The following CLOCK variants were observed in gnomAD, a reference collection of about 807,000 sequenced individuals.
The protein encoded by CLOCK is circadian locomoter output cycles protein kaput.
Under a neutral mutation model 118.4 loss-of-function variants are expected in CLOCK, and 43 were observed. The ratio of observed to expected loss-of-function variants is 0.36; its 90% CI spans 0.28 to 0.47. The LOEUF (loss-of-function observed/expected upper bound fraction) is 0.47, where lower values mean the gene tolerates loss of function less well. Ranked by LOEUF, CLOCK falls within the 20% of genes least tolerant of loss-of-function variation. CLOCK has a pLI of 1.00. For synonymous variants in CLOCK, 326 were observed against 339.2 expected (o/e 0.96, Z 0.43); for missense variants, 846 against 999.9 (o/e 0.85, Z 2.08).
intron 1 of CLOCK, among the ~76,000 whole-genome samples, chr4:55,512,499 C>G (rs1349468531): frequency 6.6e-6 from 1 of 152,090 alleles, no homozygotes; most frequent in Non-Finnish European, 1.5e-5. Context: ...TCAAATATGT[C>G]TTTTGCAAAT....
intron 1 of CLOCK, among the ~76,000 whole-genome samples, chr4:55,514,873 A>T (rs1387625972): frequency 6.6e-6 from 1 of 152,128 alleles, no homozygotes; most frequent in Non-Finnish European, 1.5e-5. Flanking sequence ...TGGTTTTAGG[A>T]TTAGAGTAAT....
At position 55,536,897 on chromosome 4, in the gene CLOCK, CCTAA is replaced by C. The variant is rs369672013; in HGVS notation, c.-290+9881_-290+9884del. Among the ~76,000 whole-genome samples the C allele has an allele frequency of 1.7e-3, 256 of 152,196 alleles. 1 individual carries two copies. The highest frequency in any genetic ancestry group is 5.7e-3 in the African/African-American group (237 of 41,524). ...TAAACAAAACAATCAACAGACTTGA[CCTAA>C]CTGACATTTGTAAAACACTCCACCT... On this transcript the variant is annotated intron_variant, in intron 1 of 22. Transcript: ENST00000513440.
intron 1 of CLOCK, among the ~76,000 whole-genome samples, chr4:55,532,520 T>C (rs1039155953): frequency 1.3e-5 from 2 of 151,330 alleles, no homozygotes; most frequent in Admixed American, 1.3e-4. Flanking sequence ...ACACCAAAAA[T>C]GACCAACTGG....
In CLOCK at chr4:55,453,734, G is replaced by T; in HGVS notation, c.1073C>A (p.Thr358Asn). ...WIWLQTHYYI[T>N]YHQWNSRPEF... ...TGGCCTTGAATTCCACTGATGGTAA[G>T]TGATATAATAATGAGTCTGAAGCCA... Residue 358 changes from threonine (T) to asparagine (N), a missense_variant, in exon 14 of 23, where the codon ACT becomes AAT. By Grantham distance (65) the Thr-to-Asn change is moderately conservative (BLOSUM62 0). This residue lies in a region of CLOCK where 66 missense variants were observed against 99.4 expected (regional missense o/e 0.66). Coordinates refer to ENST00000513440, the MANE Select transcript of CLOCK (RefSeq NM_004898.4). 6.2e-7 allele frequency: 1 copy of T among 1,610,866 alleles called. No individual in the cohort carries two copies. Among genetic ancestry groups the T allele is most frequent in the Non-Finnish European group, 8.5e-7 (1 of 1,177,798 alleles).
intron 11 of CLOCK, among the ~76,000 whole-genome samples, chr4:55,458,308 C>A (rs1450774771): frequency 6.6e-6 from 1 of 152,080 alleles, no homozygotes. Flanking sequence ...GCAATCCTCT[C>A]GCCTTGCTCT....
rs1039562811 is a variant in CLOCK, at chr4:55,450,364, A to C, written c.1207-132T>G. 46 of 953,476 alleles carry C rather than the reference A, an allele frequency of 4.8e-5. No individual in the cohort carries two copies. In the Middle Eastern group the frequency reaches 1.3e-3, roughly 26 times the overall value. The allele number at this position is 953,476 out of a possible 1,614,324, so 59.1% of individuals were successfully genotyped here. ...GGCAAAAGTACCTGTATGTACATAC[A>C]CATGTAAAGAAATGAAAATTTATGT... On this transcript the variant is annotated intron_variant, in intron 15 of 22. Transcript: ENST00000513440.
At chr4:55,516,888 A>C (rs1729549262) in intron 1 of CLOCK, among the ~76,000 whole-genome samples, 1 of 152,116 alleles carries the variant, frequency 6.6e-6, no homozygotes, top group African/African-American at 2.4e-5. Context: ...TTCACAATAC[A>C]CATTTACAAC....
chr4:55,475,154 TAAG>T (rs139173774), intron 7 of CLOCK, among the ~76,000 whole-genome samples: 5,126 of 152,268 alleles, frequency 0.034, 100 homozygotes, highest in Non-Finnish European at 0.054. Flanking sequence ...TACCAAGAGT[TAAG>T]AAGAAGTTGA....
chr4:55,458,744 GA>G (rs1725095154), intron 11 of CLOCK, 147 bp downstream of exon 11: 1 of 635,946 alleles, frequency 1.6e-6, no homozygotes, highest in African/African-American at 1.8e-5. Flanking sequence ...ACAATTTAAT[GA>G]GTGTCTTGAT....
chr4:55,540,891 C>T (rs1031940338), intron 1 of CLOCK: 13 of 152,030 alleles, frequency 8.6e-5, no homozygotes, highest in Non-Finnish European at 1.6e-4. Flanking sequence ...AATGTGACCT[C>T]TTTGAAAAAG....
rs1020812664 is a variant in CLOCK, at chr4:55,516,353, T to C, written c.-289-6288A>G. Reference sequence around the variant, plus strand: ...CTGTTTCTCCTTGCAGTTCTGTTTTTGCCTCACATACTTACATGCTCCACT... The same window carrying C: ...CTGTTTCTCCTTGCAGTTCTGTTTTCGCCTCACATACTTACATGCTCCACT... On this transcript the variant is annotated intron_variant, in intron 1 of 22. Transcript: ENST00000513440. Among the ~76,000 whole-genome samples the C allele has an allele frequency of 3.3e-5, 5 of 152,352 alleles. No individual in the cohort carries two copies. In the East Asian group the frequency reaches 9.6e-4, roughly 29 times the overall value.
chr4:55,531,251 C>T (rs1032648773), intron 1 of CLOCK, among the ~76,000 whole-genome samples: 1 of 151,928 alleles, frequency 6.6e-6, no homozygotes, highest in South Asian at 2.1e-4. Context: ...ATAGCCCCAG[C>T]ACTATAATTA....
At chr4:55,493,504 C>T (rs891759261) in intron 2 of CLOCK, among the ~76,000 whole-genome samples, 1 of 152,146 alleles carries the variant, frequency 6.6e-6, no homozygotes, top group African/African-American at 2.4e-5. Flanking sequence ...ATGAAAAATT[C>T]TAACTTGCTT....
chr4:55,542,151 G>A (rs1198510606), intron 1 of CLOCK, among the ~76,000 whole-genome samples: 4 of 144,724 alleles, frequency 2.8e-5, no homozygotes, highest in Non-Finnish European at 6.1e-5. Context: ...GACCAGCCCG[G>A]CCAACATGGA....
intron 1 of CLOCK, among the ~76,000 whole-genome samples, chr4:55,513,805 G>A (rs556269942): frequency 6.6e-6 from 1 of 151,936 alleles, no homozygotes; most frequent in Non-Finnish European, 1.5e-5. Context: ...GTTTATCAGA[G>A]TTTTGAAGTT....
intron 2 of CLOCK, among the ~76,000 whole-genome samples, chr4:55,492,369 A>AAAAAAC (rs60552371): frequency 1.3e-5 from 2 of 151,128 alleles, no homozygotes; most frequent in African/African-American, 2.4e-5. Context: ...AAAAAAAAAA[A>AAAAAAC]CGCCATTCAA....
rs538055199 is a variant in CLOCK, at chr4:55,466,436, A to G, written c.439-2631T>C. On this transcript the variant is annotated intron_variant, in intron 8 of 22. Coordinates refer to ENST00000513440, the MANE Select transcript of CLOCK (RefSeq NM_004898.4). Reference sequence around the variant, plus strand: ...TAGCAGTGTGACAACAGACTAATACATCATCTTAATAGAAAAACATGCCAC... The same window carrying G: ...TAGCAGTGTGACAACAGACTAATACGTCATCTTAATAGAAAAACATGCCAC... Among the ~76,000 whole-genome samples, 10 of 152,300 alleles carry G rather than the reference A, an allele frequency of 6.6e-5. No individual in the cohort carries two copies. The South Asian group carries it at 1.9e-3, about 28-fold the overall frequency.
chr4:55,545,811 G>A (rs1731579320), intron 1 of CLOCK: 1 of 152,332 alleles, frequency 6.6e-6, no homozygotes, highest in Non-Finnish European at 1.5e-5. Flanking sequence ...TTCACTGGCG[G>A]AAAGAAATCT....
At chr4:55,471,763 G>A (rs1195868254) in intron 7 of CLOCK, among the ~76,000 whole-genome samples, 1 of 152,164 alleles carries the variant, frequency 6.6e-6, no homozygotes, top group African/African-American at 2.4e-5. Context: ...ATGAGGAAGA[G>A]AAAAAGGCCA....
Sources: allele counts gnomAD v4.1 joint callset (sites outside exome capture counted in the v4.1 genomes callset), GRCh38; gene constraint gnomAD v4.1.1; regional missense constraint gnomAD v4.1.1; transcripts MANE v1.5; gene names NCBI Gene and HGNC (gene_info 2026-07-23, HGNC 2026-07-21).